Variants in ADGRE1 observed in about 807,000 individuals in gnomAD.
ADGRE1 encodes adhesion G protein-coupled receptor E1, also known as EGF-like module receptor 1.
A neutral mutation model predicts 102.7 loss-of-function variants in ADGRE1; 82 were observed. The observed-to-expected ratio is 0.80, with a 90% CI of 0.67 to 0.96. ADGRE1 has a LOEUF of 0.96. Ranked by LOEUF, ADGRE1 falls within the 40% of genes least tolerant of loss-of-function variation. The pLI is 0.00. For synonymous variants in ADGRE1, 398 were observed against 399.6 expected, an observed-to-expected ratio of 1.00 and a Z score of 0.05; for missense variants, 1,032 against 1,085.3, an observed-to-expected ratio of 0.95 and a Z score of 0.69.
chr19:6,889,494 TC>T (rs1255452760), intron 1 of ADGRE1, among the ~76,000 whole-genome samples: 3 of 151,606 alleles, frequency 2.0e-5, no homozygotes, highest in East Asian at 3.9e-4. Context: ...ATCGAGACCA[TC>T]CTGGCCAACA....
chr19:6,928,333 TCTC>T (rs1357822297), intron 17 of ADGRE1, 122 bp downstream of exon 17: 10 of 1,582,480 alleles, frequency 6.3e-6, no homozygotes, highest in South Asian at 5.6e-5. Context: ...CATCAAAAGT[TCTC>T]CTTTCCAGGC....
At position 6,897,272 on chromosome 19, in the gene ADGRE1, TC is replaced by T; in HGVS notation, c.365del (p.Pro122GlnfsTer89). The T allele has an allele frequency of 6.2e-7, 1 of 1,613,854 alleles. No homozygotes were observed. Among genetic ancestry groups the T allele is most frequent in the Non-Finnish European group, 8.5e-7 (1 of 1,179,978 alleles). On this transcript the variant is annotated frameshift_variant, in exon 4 of 21. Transcript: ENST00000312053. LOFTEE classifies it high-confidence loss of function. Reference sequence around the variant, plus strand: ...TCTTCTCCCACTGGAAATGACTGGGTCCCAGGAAAGCCGGGCAATTTCTCCT... The same window carrying T: ...TCTTCTCCCACTGGAAATGACTGGGTCCAGGAAAGCCGGGCAATTTCTCCT... ...GFSSPTGNDW[V>X]PGKPGNFSCT...
chr19:6,891,048 C>T (rs1271195086), intron 2 of ADGRE1: 1 of 152,586 alleles, frequency 6.6e-6, no homozygotes, highest in Non-Finnish European at 1.5e-5. Context: ...ATGTCCTCAC[C>T]CAAATCTCAC....
rs954333484 is a variant in ADGRE1 at position 6,916,325 on chromosome 19, G to C, written c.1377G>C (p.Lys459Asn). The change falls in exon 12 of 21, where the codon AAG (lysine) becomes AAC (asparagine). Residue 459 changes from lysine (K) to asparagine (N), a missense_variant. Lys to Asn is a moderately conservative substitution (Grantham distance 94, BLOSUM62 0). Transcript: ENST00000312053. Reference sequence around the variant, plus strand: ...TGGACTTGGTAGCCAAGGGGGATAAGATGAAGATCGGGTGTTCCACAATTG... The same window carrying C: ...TGGACTTGGTAGCCAAGGGGGATAACATGAAGATCGGGTGTTCCACAATTG... ...VTLDLVAKGDKMKIGCSTIEE... is the reference protein window; with the variant it reads ...VTLDLVAKGDNMKIGCSTIEE... 3 of 1,613,820 alleles carry C rather than the reference G, an allele frequency of 1.9e-6. No homozygotes were observed. The highest frequency in any genetic ancestry group is 2.5e-6 in the Non-Finnish European group (3 of 1,179,822).
chr19:6,931,143 T>G (rs928227357), intron 17 of ADGRE1, among the ~76,000 whole-genome samples: 6 of 148,140 alleles, frequency 4.1e-5, no homozygotes, highest in Non-Finnish European at 7.5e-5. Flanking sequence ...TGAGTTCACC[T>G]GTTTTAAATG....
At chr19:6,922,030 CTTT>C in intron 14 of ADGRE1, 147 bp downstream of exon 14, 1 of 916,024 alleles carries the variant, frequency 1.1e-6, no homozygotes, top group Non-Finnish European at 1.6e-6. Flanking sequence ...GGTGATATGC[CTTT>C]GCCCCTGCAG....
chr19:6,917,091 A>G (rs1368158416), intron 12 of ADGRE1, among the ~76,000 whole-genome samples: 1 of 152,212 alleles, frequency 6.6e-6, no homozygotes, highest in Admixed American at 6.5e-5. Context: ...CTACCATTCT[A>G]GTGCAAAAGC....
intron 5 of ADGRE1, among the ~76,000 whole-genome samples, chr19:6,899,942 A>G (rs1026205102): frequency 6.6e-6 from 1 of 151,512 alleles, no homozygotes; most frequent in African/African-American, 2.4e-5. Flanking sequence ...AATACAAAAA[A>G]AAATAGCTGG....
chr19:6,924,437 G>A (rs1297017085), intron 14 of ADGRE1, among the ~76,000 whole-genome samples: 1 of 152,172 alleles, frequency 6.6e-6, no homozygotes, highest in Non-Finnish European at 1.5e-5. Flanking sequence ...TGTAGTTTGT[G>A]GACATCAAGC....
chr19:6,890,522 A>G lies in ADGRE1; in HGVS notation c.73A>G (p.Thr25Ala). ...CAGCTGGGAAGGGCACATAAGACCC[A>G]CACGGAAACCAAACACAAAGGGTAA... ...MHSWEGHIRP[T>A]RKPNTKGNNC... Residue 25 changes from threonine (T) to alanine (A), a missense_variant, in exon 2 of 21, where the codon ACA becomes GCA. Physicochemically the swap from Thr to Ala is moderately conservative, Grantham distance 58 (BLOSUM62 0). Transcript: ENST00000312053. The G allele has an allele frequency of 6.2e-7, 1 of 1,606,800 alleles. No homozygotes were observed. Among genetic ancestry groups the G allele is most frequent in the Non-Finnish European group, 8.5e-7 (1 of 1,178,530 alleles).
intron 17 of ADGRE1, among the ~76,000 whole-genome samples, chr19:6,933,132 A>G (rs1276853211): frequency 6.6e-6 from 1 of 152,080 alleles, no homozygotes; most frequent in Admixed American, 6.5e-5. Flanking sequence ...GAGGCAGGAG[A>G]ATCGCTTGAA....
intron 10 of ADGRE1, 132 bp from the exon 11 acceptor site, chr19:6,913,521 G>A (rs1974274333): frequency 1.3e-6 from 1 of 781,034 alleles, no homozygotes; most frequent in East Asian, 3.1e-5. Flanking sequence ...TCAGAAAAAG[G>A]AGCCCGAGTG....
At chr19:6,912,100 A>C (rs903670575) in intron 10 of ADGRE1, among the ~76,000 whole-genome samples, 3 of 151,130 alleles carry the variant, frequency 2.0e-5, no homozygotes, top group Non-Finnish European at 4.4e-5. Flanking sequence ...ATATATACAC[A>C]CACGTATACA....
chr19:6,908,665 T>C (rs1167722452), intron 9 of ADGRE1, 24 bp from the exon 10 acceptor site: 2 of 927,044 alleles, frequency 2.2e-6, no homozygotes, highest in African/African-American at 3.5e-5. Flanking sequence ...ACAAATGCTC[T>C]TTTTTTTTTT....
intron 14 of ADGRE1, among the ~76,000 whole-genome samples, chr19:6,922,249 G>T (rs1308863671): frequency 2.6e-5 from 4 of 152,066 alleles, no homozygotes; most frequent in African/African-American, 4.8e-5. Flanking sequence ...AATTGGAGCA[G>T]GTGGAATTCA....
At chr19:6,939,939 T>C in intron 20 of ADGRE1, 85 bp from the exon 21 acceptor site, 1 of 1,416,764 alleles carries the variant, frequency 7.1e-7, no homozygotes, top group Non-Finnish European at 1.0e-6. Flanking sequence ...TTTTTAATAC[T>C]TCTGTCCCTG....
Position 6,939,603 on chromosome 19 carries a change from C to T in ADGRE1, c.2656-421C>T, listed in dbSNP as rs112954978. Among the ~76,000 whole-genome samples the T allele has an allele frequency of 1.9e-3, 285 of 152,240 alleles. 2 individuals are homozygous for T. The highest frequency in any genetic ancestry group is 6.5e-3 in the African/African-American group (269 of 41,534). ...GCAATATGGTTGCCACAGCTCCAGA[C>T]ATCATGACTATGTTCAAGTCAAGAA... On this transcript the variant is annotated intron_variant, in intron 20 of 20. Coordinates refer to ENST00000312053, the MANE Select transcript of ADGRE1 (RefSeq NM_001974.5).
intron 2 of ADGRE1, chr19:6,895,813 C>T (rs1193951330): frequency 6.6e-6 from 1 of 152,240 alleles, no homozygotes; most frequent in Non-Finnish European, 1.5e-5. Flanking sequence ...GTGGCTGACT[C>T]ACAGACCCTA....
In ADGRE1 at chr19:6,919,565, T is replaced by C; in HGVS notation, c.1438T>C (p.Phe480Leu). 1 of 1,612,956 alleles carries C rather than the reference T, an allele frequency of 6.2e-7. No individual in the cohort carries two copies. The highest frequency in any genetic ancestry group is 8.5e-7 in the Non-Finnish European group (1 of 1,179,754). The change falls in exon 13 of 21, where the codon TTT (phenylalanine) becomes CTT (leucine). Residue 480 changes from phenylalanine to leucine, a missense_variant. Coordinates refer to ENST00000312053, the MANE Select transcript of ADGRE1 (RefSeq NM_001974.5). Reference sequence around the variant, plus strand: ...ACCTGCAGAGACCACTGGTGTGGCTTTTGTCTCCTTTGTGGGCATGGAATC... The same window carrying C: ...ACCTGCAGAGACCACTGGTGTGGCTCTTGTCTCCTTTGTGGGCATGGAATC... The part of the protein sequence containing the change: ...SESTETTGVA[F>L]VSFVGMESVL...
Sources: allele counts gnomAD v4.1 joint callset (sites outside exome capture counted in the v4.1 genomes callset), GRCh38; gene constraint gnomAD v4.1.1; transcripts MANE v1.5; gene names NCBI Gene and HGNC (gene_info 2026-07-23, HGNC 2026-07-21).